ENTHD1: variants seen among roughly 807,000 people sequenced by gnomAD.
The protein encoded by ENTHD1 is ENTH domain containing 1.
Under a neutral mutation model 39.1 loss-of-function variants are expected in ENTHD1, and 23 were observed. That is an observed-to-expected ratio of 0.59 (90% confidence interval 0.42 to 0.83). ENTHD1 has a LOEUF of 0.83. Ranked by LOEUF, ENTHD1 falls within the 40% of genes least tolerant of loss-of-function variation. The pLI is 0.00. For synonymous variants in ENTHD1, 230 were observed against 258.2 expected, an observed-to-expected ratio of 0.89 and a Z score of 1.05; for missense variants, 624 against 705.4, an observed-to-expected ratio of 0.88 and a Z score of 1.31.
intron 5 of ENTHD1, among the ~76,000 whole-genome samples, chr22:39,813,182 C>T (rs1189464709): frequency 3.9e-5 from 6 of 152,180 alleles, no homozygotes; most frequent in African/African-American, 1.2e-4. Context: ...ACTTAGAGAA[C>T]ACCTTATTTA....
intron 5 of ENTHD1, among the ~76,000 whole-genome samples, chr22:39,796,068 T>G (rs887627542): frequency 2.0e-5 from 3 of 152,190 alleles, no homozygotes; most frequent in African/African-American, 7.2e-5. Context: ...TTTCATTTAG[T>G]TCTGCCCTGA....
intron 3 of ENTHD1, among the ~76,000 whole-genome samples, chr22:39,860,635 T>C (rs1016653438): frequency 2.6e-4 from 40 of 152,366 alleles, no homozygotes; most frequent in Non-Finnish European, 2.9e-5. Context: ...TTAGCAAGCT[T>C]AACTTGTGTT....
At position 39,800,465 on chromosome 22, in the gene ENTHD1, G is replaced by T. The variant is rs1428066955; in HGVS notation, c.832+20528C>A. ...AGATTAATCTGCAAGAATCCTGCGT[G>T]TCTAACCTACACATGCTTTCTTCCA... On this transcript the variant is annotated intron_variant, in intron 5 of 6. Transcript: ENST00000325157. Among the ~76,000 whole-genome samples, 3 of 152,304 alleles carry T rather than the reference G, an allele frequency of 2.0e-5. No homozygotes were observed. In the East Asian group the frequency reaches 5.8e-4, roughly 29 times the overall value.
chr22:39,865,201 G>A (rs2032263683), intron 2 of ENTHD1, among the ~76,000 whole-genome samples: 1 of 152,046 alleles, frequency 6.6e-6, no homozygotes, highest in African/African-American at 2.4e-5. Flanking sequence ...CAAGCAAAGA[G>A]CCAGTTGCAA....
chr22:39,825,853 C>A, intron 4 of ENTHD1, among the ~76,000 whole-genome samples: 1 of 151,894 alleles, frequency 6.6e-6, no homozygotes, highest in East Asian at 1.9e-4. Context: ...CTCCCACTAA[C>A]CAAACAAACC....
At chr22:39,859,731 T>C (rs896576568) in intron 3 of ENTHD1, among the ~76,000 whole-genome samples, 1 of 152,046 alleles carries the variant, frequency 6.6e-6, no homozygotes, top group African/African-American at 2.4e-5. Flanking sequence ...CCATGACACA[T>C]ATAATAATAA....
chr22:39,845,919 C>T (rs1162037518), intron 3 of ENTHD1, among the ~76,000 whole-genome samples: 1 of 150,612 alleles, frequency 6.6e-6, no homozygotes, highest in Non-Finnish European at 1.5e-5. Context: ...CCCTCAAAAT[C>T]TACTACAAAA....
intron 2 of ENTHD1, among the ~76,000 whole-genome samples, chr22:39,865,536 G>T (rs1337649087): frequency 6.6e-6 from 1 of 152,136 alleles, no homozygotes; most frequent in East Asian, 1.9e-4. Context: ...TGAAAAGAAA[G>T]GGAGGACAGC....
rs58935186 is a variant in ENTHD1, at chr22:39,847,566, T to TA, written c.593-11609dup. Among the ~76,000 whole-genome samples, 1,072 of 144,842 alleles carry TA rather than the reference T, an allele frequency of 7.4e-3. 17 individuals are homozygous for TA. Among genetic ancestry groups the TA allele is most frequent in the African/African-American group, 0.024 (972 of 39,868 alleles). On this transcript the variant is annotated intron_variant, in intron 3 of 6. Coordinates refer to ENST00000325157, the MANE Select transcript of ENTHD1 (RefSeq NM_152512.4). Reference sequence around the variant, plus strand: ...AATAAAGTCAGCTGATTAGCAAACTTAAAAAAAAAAAGACAGGGTCTTGCT... The same window carrying TA: ...AATAAAGTCAGCTGATTAGCAAACTTAAAAAAAAAAAAGACAGGGTCTTGCT...
chr22:39,749,302 A>G (rs1173347984), intron 6 of ENTHD1, among the ~76,000 whole-genome samples: 1 of 152,250 alleles, frequency 6.6e-6, no homozygotes, highest in African/African-American at 2.4e-5. Flanking sequence ...ATAAGCTACA[A>G]TAAATCGCTG....
chr22:39,843,500 A>G (rs2065962783), intron 3 of ENTHD1, among the ~76,000 whole-genome samples: 1 of 151,824 alleles, frequency 6.6e-6, no homozygotes, highest in African/African-American at 2.4e-5. Context: ...TGGGAGATAT[A>G]CTTAATGCTA....
At chr22:39,784,540 G>C (rs972694050) in intron 5 of ENTHD1, among the ~76,000 whole-genome samples, 4 of 108,100 alleles carry the variant, frequency 3.7e-5, no homozygotes, top group African/African-American at 1.6e-4. Flanking sequence ...CTCTCTCTCT[G>C]TATACACACA....
intron 5 of ENTHD1, among the ~76,000 whole-genome samples, chr22:39,793,387 T>A (rs1225445666): frequency 6.6e-6 from 1 of 151,624 alleles, no homozygotes; most frequent in Non-Finnish European, 1.5e-5. Flanking sequence ...ATATTCCAGA[T>A]CCTAGTCCCT....
intron 5 of ENTHD1, among the ~76,000 whole-genome samples, chr22:39,810,165 T>C (rs1054669292): frequency 4.6e-5 from 7 of 152,166 alleles, no homozygotes; most frequent in African/African-American, 7.2e-5. Context: ...ACAGTAAATC[T>C]TCCCCTAAGC....
intron 2 of ENTHD1, among the ~76,000 whole-genome samples, chr22:39,879,137 A>G (rs1175691975): frequency 6.6e-6 from 1 of 152,094 alleles, no homozygotes; most frequent in Non-Finnish European, 1.5e-5. Flanking sequence ...GACTTAAGAA[A>G]GGGCCTAAAA....
chr22:39,824,446 T>A (rs989059593), intron 4 of ENTHD1, among the ~76,000 whole-genome samples: 1 of 152,038 alleles, frequency 6.6e-6, no homozygotes, highest in African/African-American at 2.4e-5. Flanking sequence ...CCTGACCTAG[T>A]GATCCGCCCG....
chr22:39,882,358 G>T (rs1026036883), intron 2 of ENTHD1, among the ~76,000 whole-genome samples: 1 of 152,124 alleles, frequency 6.6e-6, no homozygotes, highest in African/African-American at 2.4e-5. Flanking sequence ...CTAGGATTTG[G>T]AGACTAAGTA....
Position 39,744,100 on chromosome 22 carries a change from A to C in ENTHD1, c.1403T>G (p.Leu468Arg). Residue 468 changes from leucine (L) to arginine (R), a missense_variant, in exon 7 of 7, where the codon CTG becomes CGG. By Grantham distance (102) the Leu-to-Arg change is moderately radical. Coordinates refer to ENST00000325157, the MANE Select transcript of ENTHD1 (RefSeq NM_152512.4). The part of the protein sequence containing the change: ...SFKDEDKTAK[L>R]HHSFASRGPV... ...GCCCCTAGAAGCAAAGGAGTGATGC[A>C]GCTTGGCTGTCTTATCTTCATCTTT... The C allele has an allele frequency of 6.2e-7, 1 of 1,614,166 alleles. No individual in the cohort carries two copies. The highest frequency in any genetic ancestry group is 8.5e-7 in the Non-Finnish European group (1 of 1,179,992).
intron 5 of ENTHD1, among the ~76,000 whole-genome samples, chr22:39,794,194 C>T (rs2065528151): frequency 6.6e-6 from 1 of 152,024 alleles, no homozygotes; most frequent in African/African-American, 2.4e-5. Context: ...TAAAATACTC[C>T]TAGGTATTTT....
Sources: gnomAD v4.1 joint callset for allele counts (sites outside exome capture counted in the v4.1 genomes callset) on GRCh38, gnomAD v4.1.1 for gene constraint, MANE v1.5 for transcripts, NCBI Gene and HGNC (gene_info 2026-07-23, HGNC 2026-07-21) for gene names.